The following RYR2 variants were observed in gnomAD, a reference collection of about 807,000 sequenced individuals.
RYR2 encodes ryanodine receptor 2, also known as cardiac muscle ryanodine receptor-calcium release channel.
In RYR2, 227 loss-of-function variants were observed where a neutral mutation model predicts 601.1. That is an observed-to-expected ratio of 0.38 (90% CI 0.34 to 0.42). The LOEUF is 0.42. RYR2 is among the 10% of genes least tolerant of loss of function. The probability of loss-of-function intolerance (pLI) is 1.00; values close to 1 mark genes in which losing one functional copy is unlikely to be tolerated. For synonymous variants in RYR2, 2,223 were observed against 2,175.1 expected (o/e 1.02, Z -0.61); for missense variants, 4,646 against 6,156.5 (o/e 0.75, Z 8.21).
chr1:237,461,920 A>G (rs1216538580), intron 16 of RYR2, among the ~76,000 whole-genome samples: 1 of 152,102 alleles, frequency 6.6e-6, no homozygotes, highest in Non-Finnish European at 1.5e-5. Context: ...GAAAAGGGTA[A>G]CAAATACAAC....
At chr1:237,089,269 T>G (rs112752609) in intron 1 of RYR2, among the ~76,000 whole-genome samples, 9 of 152,362 alleles carry the variant, frequency 5.9e-5, no homozygotes, top group African/African-American at 2.2e-4. Context: ...GGTAGGCCTG[T>G]TTGAGAATAA....
rs1400118248 is a variant in RYR2 at position 237,654,335 on chromosome 1, A to G, written c.7886A>G (p.Asn2629Ser). The G allele has an allele frequency of 6.2e-7, 1 of 1,613,966 alleles. No homozygotes were observed. The highest frequency in any genetic ancestry group is 2.2e-5 in the East Asian group (1 of 44,852). Reference protein sequence around the residue: ...KYYCLPGGWGNFGAASEEELH... With the variant: ...KYYCLPGGWGSFGAASEEELH... The stretch of plus-strand genomic sequence containing the variant: ...TACTGCCTGCCTGGAGGGTGGGGAA[A>G]CTTTGGTGCTGCCTCAGAAGAAGAA... Residue 2629 changes from asparagine (N) to serine (S), a missense_variant, in exon 52 of 105, where the codon AAC becomes AGC. Asn to Ser is a conservative substitution (Grantham distance 46). Coordinates refer to ENST00000366574, the MANE Select transcript of RYR2 (RefSeq NM_001035.3).
At chr1:237,475,433 C>T (rs1661295584) in intron 17 of RYR2, among the ~76,000 whole-genome samples, 1 of 152,020 alleles carries the variant, frequency 6.6e-6, no homozygotes, top group African/African-American at 2.4e-5. Context: ...CTTTGAGCCT[C>T]CTGGTGTAAT....
chr1:237,417,317 C>T (rs891052707), intron 11 of RYR2, among the ~76,000 whole-genome samples, 194 bp downstream of exon 11: 15 of 152,012 alleles, frequency 9.9e-5, no homozygotes, highest in African/African-American at 3.6e-4. Context: ...CCTCAGTTCA[C>T]CAGCTAGCAA....
chr1:237,314,105 C>G (rs963698456), intron 2 of RYR2, among the ~76,000 whole-genome samples: 1 of 127,732 alleles, frequency 7.8e-6, no homozygotes, highest in African/African-American at 2.7e-5. Flanking sequence ...TGCTCTGTTG[C>G]CCAGGCTGGA....
At chr1:237,605,517 G>A (rs1461766929) in intron 35 of RYR2, among the ~76,000 whole-genome samples, 1 of 148,002 alleles carries the variant, frequency 6.8e-6, no homozygotes, top group Non-Finnish European at 1.5e-5. Context: ...TGGCACAAGT[G>A]GCCTTCTCTC....
At chr1:237,738,057 C>T (rs1160698002) in intron 79 of RYR2, among the ~76,000 whole-genome samples, 1 of 152,074 alleles carries the variant, frequency 6.6e-6, no homozygotes, top group Non-Finnish European at 1.5e-5. Context: ...TTCACTTGGC[C>T]TTCATGGTTT....
intron 61 of RYR2, among the ~76,000 whole-genome samples, chr1:237,678,953 G>A (rs1458383351): frequency 6.6e-6 from 1 of 152,270 alleles, no homozygotes; most frequent in East Asian, 1.9e-4. Context: ...AAAATAGCAT[G>A]CTTTTTGATT....
At chr1:237,703,306 T>G (rs1030047709) in intron 66 of RYR2, among the ~76,000 whole-genome samples, 7 of 151,834 alleles carry the variant, frequency 4.6e-5, no homozygotes, top group African/African-American at 1.4e-4. Flanking sequence ...TTAGTGCTTG[T>G]GTATGTGATA....
chr1:237,047,193 C>G (rs1660697621), intron 1 of RYR2, among the ~76,000 whole-genome samples: 1 of 152,142 alleles, frequency 6.6e-6, no homozygotes, highest in African/African-American at 2.4e-5. Context: ...GCACATCATT[C>G]TTTATAGAGT....
intron 14 of RYR2, among the ~76,000 whole-genome samples, chr1:237,451,966 A>G (rs1658180478): frequency 7.3e-6 from 1 of 136,952 alleles, no homozygotes; most frequent in African/African-American, 2.6e-5. Flanking sequence ...TGGTTGTGGT[A>G]GTACTGTGTG....
At chr1:237,765,536 A>C (rs988389289) in intron 84 of RYR2, among the ~76,000 whole-genome samples, 6 of 152,214 alleles carry the variant, frequency 3.9e-5, no homozygotes, top group Non-Finnish European at 7.3e-5. Context: ...ATTTATGTGA[A>C]GTTGAAGCAA....
intron 17 of RYR2, among the ~76,000 whole-genome samples, chr1:237,489,253 C>G (rs758982691): frequency 1.4e-4 from 22 of 152,140 alleles, no homozygotes; most frequent in Non-Finnish European, 3.1e-4. Flanking sequence ...GACAGACAAG[C>G]AGCCAACAAA....
At chr1:237,563,194 G>A (rs547822790) in intron 27 of RYR2, among the ~76,000 whole-genome samples, 34 of 152,014 alleles carry the variant, frequency 2.2e-4, no homozygotes, top group Admixed American at 5.2e-4. Context: ...GATCACCTGA[G>A]GCTCGAAGTT....
At chr1:237,753,627 TG>T (rs375831512) in intron 80 of RYR2, among the ~76,000 whole-genome samples, 98 of 152,278 alleles carry the variant, frequency 6.4e-4, no homozygotes, top group Non-Finnish European at 1.0e-3. Flanking sequence ...ATTTAAATTC[TG>T]GAGCTGCTCT....
chr1:237,567,815 C>T (rs757481644), intron 28 of RYR2, among the ~76,000 whole-genome samples: 2 of 151,684 alleles, frequency 1.3e-5, no homozygotes, highest in Non-Finnish European at 2.9e-5. Flanking sequence ...AGAGATTTGA[C>T]GTTTGGATAT....
chr1:237,367,186 C>T (rs761895008), intron 5 of RYR2, among the ~76,000 whole-genome samples: 9 of 152,082 alleles, frequency 5.9e-5, no homozygotes, highest in South Asian at 2.1e-4. Context: ...CTCTGCCTCC[C>T]GGGTTCAAGC....
intron 34 of RYR2, among the ~76,000 whole-genome samples, chr1:237,597,959 A>G (rs533391786): frequency 4.9e-4 from 74 of 152,342 alleles, no homozygotes; most frequent in African/African-American, 1.7e-3. Context: ...AAGGACAGAC[A>G]TAGCCTGAAA....
intron 1 of RYR2, among the ~76,000 whole-genome samples, chr1:237,055,090 T>C (rs1314748095): frequency 6.6e-6 from 1 of 152,162 alleles, no homozygotes; most frequent in Non-Finnish European, 1.5e-5. Flanking sequence ...CGCACCTTGG[T>C]AAATGATCCC....
Sources: gnomAD v4.1 joint callset for allele counts (sites outside exome capture counted in the v4.1 genomes callset) on GRCh38, gnomAD v4.1.1 for gene constraint, MANE v1.5 for transcripts, NCBI Gene and HGNC (gene_info 2026-07-23, HGNC 2026-07-21) for gene names.